Variants in WWC1 observed in about 807,000 individuals in gnomAD.
WWC1 encodes the protein protein KIBRA.
In WWC1, 55 loss-of-function variants were observed where a neutral mutation model predicts 138.4. That is an observed-to-expected ratio of 0.40 (90% confidence interval 0.32 to 0.50). WWC1 has a LOEUF of 0.50. Ranked by LOEUF, WWC1 falls within the 20% of genes least tolerant of loss-of-function variation. The pLI, the probability that WWC1 is intolerant of heterozygous loss-of-function variation, is 0.72. For synonymous variants in WWC1, 524 were observed against 564.9 expected (o/e 0.93, Z 1.03); for missense variants, 1,226 against 1,420.4 (o/e 0.86, Z 2.20).
intron 1 of WWC1, among the ~76,000 whole-genome samples, chr5:168,318,088 A>G (rs1453930242): frequency 1.3e-5 from 2 of 152,020 alleles, no homozygotes; most frequent in African/African-American, 4.8e-5. Flanking sequence ...CTGATTAGAA[A>G]TCAGTAGTTT....
At chr5:168,441,297 G>A (rs1754734519) in intron 15 of WWC1, among the ~76,000 whole-genome samples, 2 of 152,176 alleles carry the variant, frequency 1.3e-5, no homozygotes, top group Non-Finnish European at 2.9e-5. Flanking sequence ...CTTAGTAAGT[G>A]TAGAGTTTCA....
intron 1 of WWC1, among the ~76,000 whole-genome samples, chr5:168,305,383 C>T (rs77480437): frequency 0.028 from 4,216 of 152,262 alleles, 200 homozygotes; most frequent in African/African-American, 0.094. Context: ...TAAGATTCAG[C>T]TTACAAATGA....
chr5:168,454,149 C>T, intron 18 of WWC1, 49 bp downstream of exon 18: 1 of 1,592,122 alleles, frequency 6.3e-7, no homozygotes, highest in South Asian at 1.1e-5. Context: ...AAGGAACCTT[C>T]AATCCTTGTG....
chr5:168,338,039 A>AT, intron 1 of WWC1, among the ~76,000 whole-genome samples: 1 of 152,248 alleles, frequency 6.6e-6, no homozygotes, highest in East Asian at 1.9e-4. Flanking sequence ...GGCCAGGCGC[A>AT]GGGGCTCATG....
intron 2 of WWC1, among the ~76,000 whole-genome samples, chr5:168,373,234 A>G (rs1398901877): frequency 1.3e-5 from 2 of 152,100 alleles, no homozygotes; most frequent in Non-Finnish European, 2.9e-5. Flanking sequence ...TTAAAATCTC[A>G]TGGTGGGAGT....
chr5:168,325,557 G>A (rs952618929), intron 1 of WWC1, among the ~76,000 whole-genome samples: 1 of 152,190 alleles, frequency 6.6e-6, no homozygotes, highest in East Asian at 1.9e-4. Flanking sequence ...TTCCTGGATA[G>A]GCTGTATCTG....
At position 168,385,165 on chromosome 5, in the gene WWC1, A is replaced by G. The variant is rs754012766; in HGVS notation, c.230-46A>G. The G allele has an allele frequency of 5.6e-6, 9 of 1,605,462 alleles. No homozygotes were observed. In the East Asian group the frequency reaches 2.0e-4, roughly 36 times the overall value. The stretch of plus-strand genomic sequence containing the variant: ...GGATACCACAGGCCACCAGCCCAAC[A>G]GATATTTGTGAGATGCTGACCTAGA... On this transcript the variant is annotated intron_variant, in intron 2 of 22. Coordinates refer to ENST00000265293, the MANE Select transcript of WWC1 (RefSeq NM_015238.3).
chr5:168,351,119 C>T (rs748219145), intron 1 of WWC1, among the ~76,000 whole-genome samples: 65 of 151,128 alleles, frequency 4.3e-4, no homozygotes, highest in Non-Finnish European at 7.7e-4. Flanking sequence ...GGCACTGGAG[C>T]CTGGGCAACA....
In WWC1 at chr5:168,471,384, C is replaced by G. The variant is rs544216854; in HGVS notation, c.*2367C>G. 4 of 152,326 alleles carry G rather than the reference C, an allele frequency of 2.6e-5. No individual in the cohort carries two copies. The highest frequency in any genetic ancestry group is 5.9e-5 in the Non-Finnish European group (4 of 68,128). 9.4% of individuals were successfully genotyped at this position (152,326 alleles called of 1,614,324 possible). On this transcript the variant is annotated 3_prime_UTR_variant, in exon 23 of 23. Transcript: ENST00000265293. ...TCCATTGAATTCCACCAGACACATT[C>G]AGGGTTTACTTCGTAATGTCTTCAT...
intron 17 of WWC1, among the ~76,000 whole-genome samples, chr5:168,452,020 C>T (rs890657498): frequency 7.9e-5 from 12 of 151,176 alleles, no homozygotes; most frequent in African/African-American, 2.9e-4. Context: ...ATTGTCCTGC[C>T]TCAGCCTCCT....
At chr5:168,386,797 G>A (rs1778083691) in intron 3 of WWC1, among the ~76,000 whole-genome samples, 1 of 151,992 alleles carries the variant, frequency 6.6e-6, no homozygotes, top group Non-Finnish European at 1.5e-5. Flanking sequence ...TTACAAGCGT[G>A]AGCCACCACG....
At chr5:168,386,534 A>G (rs911266134) in intron 3 of WWC1, among the ~76,000 whole-genome samples, 1 of 149,856 alleles carries the variant, frequency 6.7e-6, no homozygotes, top group African/African-American at 2.5e-5. Flanking sequence ...CTGGGACTAC[A>G]GGCGCCCGCC....
At chr5:168,397,836 T>C in intron 4 of WWC1, 36 bp downstream of exon 4, 1 of 1,611,776 alleles carries the variant, frequency 6.2e-7, no homozygotes, top group Non-Finnish European at 8.5e-7. Flanking sequence ...TGCTAGTGAT[T>C]GGGGCCACTG....
At chr5:168,383,242 AG>A (rs1434996786) in intron 2 of WWC1, among the ~76,000 whole-genome samples, 4 of 152,020 alleles carry the variant, frequency 2.6e-5, no homozygotes, top group Non-Finnish European at 5.9e-5. Context: ...AACTGATCCT[AG>A]GCAATAGTTT....
chr5:168,433,500 C>T (rs963628229), intron 15 of WWC1, among the ~76,000 whole-genome samples: 1 of 152,208 alleles, frequency 6.6e-6, no homozygotes, highest in Non-Finnish European at 1.5e-5. Context: ...CAGTAGGTTG[C>T]AGTTTATATG....
intron 1 of WWC1, among the ~76,000 whole-genome samples, chr5:168,320,717 G>C (rs998252815): frequency 2.6e-5 from 4 of 152,114 alleles, no homozygotes. Flanking sequence ...TTCAAGTAGA[G>C]CAAAGGCCTT....
At chr5:168,467,799 G>A (rs1321009634) in intron 21 of WWC1, 41 bp from the exon 22 acceptor site, 1 of 1,612,826 alleles carries the variant, frequency 6.2e-7, no homozygotes, top group African/African-American at 1.3e-5. Context: ...CCTTTCTGGA[G>A]GCCCCCTCCA....
intron 1 of WWC1, among the ~76,000 whole-genome samples, chr5:168,310,177 TTAAG>T (rs1770934933): frequency 6.6e-6 from 1 of 152,212 alleles, no homozygotes; most frequent in African/African-American, 2.4e-5. Flanking sequence ...CATCCTATTT[TTAAG>T]TGTCTTAAGA....
intron 1 of WWC1, among the ~76,000 whole-genome samples, chr5:168,339,922 T>TCC (rs1773872600): frequency 7.5e-6 from 1 of 132,700 alleles, no homozygotes; most frequent in Non-Finnish European, 1.6e-5. Flanking sequence ...TCTCTCTCTC[T>TCC]CTTTCTCTCT....
Sources: allele counts gnomAD v4.1 joint callset (sites outside exome capture counted in the v4.1 genomes callset), GRCh38; gene constraint gnomAD v4.1.1; transcripts MANE v1.5; gene names NCBI Gene and HGNC (gene_info 2026-07-23, HGNC 2026-07-21).